GRID2: variants seen among roughly 807,000 people sequenced by gnomAD.
The protein encoded by GRID2 is glutamate ionotropic receptor delta type subunit 2, also known as glutamate receptor ionotropic, delta-2.
A neutral mutation model predicts 114.8 loss-of-function variants in GRID2; 33 were observed. The ratio of observed to expected loss-of-function variants is 0.29; its 90% CI spans 0.22 to 0.38. The LOEUF (loss-of-function observed/expected upper bound fraction) is 0.38, where lower values mean the gene tolerates loss of function less well. Ranked by LOEUF, GRID2 falls within the 10% of genes least tolerant of loss-of-function variation. The probability of loss-of-function intolerance (pLI) is 1.00; values close to 1 mark genes in which losing one functional copy is unlikely to be tolerated. For missense variants in GRID2, 1,184 were observed against 1,257.7 expected (o/e 0.94, Z 0.89); for synonymous variants, 505 against 449.9 (o/e 1.12, Z -1.55).
At chr4:93,388,050 A>T (rs6851479) in intron 8 of GRID2, among the ~76,000 whole-genome samples, 65,413 of 151,810 alleles carry the variant, frequency 0.43, 15,162 homozygotes, top group East Asian at 0.7. Flanking sequence ...ATATTATCAT[A>T]CAAAATATAT....
rs561706597 is a variant in GRID2, at chr4:93,452,324, G to T, written c.1546-3338G>T. On this transcript the variant is annotated intron_variant, in intron 10 of 15. Transcript: ENST00000282020. ...AATAATTAAGAAGTACTTTTTCCAT[G>T]AGGAATAGGGTATCCAACAATATGG... Among the ~76,000 whole-genome samples, 7 of 152,096 alleles carry T rather than the reference G, an allele frequency of 4.6e-5. No homozygotes were observed. The East Asian group carries it at 1.4e-3, about 29-fold the overall frequency.
intron 2 of GRID2, among the ~76,000 whole-genome samples, chr4:93,079,689 G>A (rs556884673): frequency 2.6e-4 from 39 of 151,982 alleles, no homozygotes; most frequent in Non-Finnish European, 5.2e-4. Flanking sequence ...GCACACGGTT[G>A]TTATGAGATA....
At chr4:92,331,847 C>T (rs1726905945) in intron 1 of GRID2, among the ~76,000 whole-genome samples, 1 of 152,158 alleles carries the variant, frequency 6.6e-6, no homozygotes, top group Admixed American at 6.5e-5. Context: ...GCAGGAACAC[C>T]TGCTGCATGA....
In GRID2 at chr4:93,345,964, A is replaced by AT. The variant is rs538162027; in HGVS notation, c.1246-49636dup. On this transcript the variant is annotated intron_variant, in intron 8 of 15. Coordinates refer to ENST00000282020, the MANE Select transcript of GRID2 (RefSeq NM_001510.4). ...AAAATCAGTGACTGTATATGCATGG[A>AT]TTTTTTTCTAGGCTATTTCTTCTGA... Among the ~76,000 whole-genome samples the AT allele has an allele frequency of 3.7e-3, 561 of 151,916 alleles. 1 individual carries two copies. Among genetic ancestry groups the AT allele is most frequent in the African/African-American group, 0.013 (535 of 41,462 alleles).
At chr4:92,438,354 A>T (rs1308160219) in intron 1 of GRID2, among the ~76,000 whole-genome samples, 3 of 152,156 alleles carry the variant, frequency 2.0e-5, no homozygotes, top group Non-Finnish European at 4.4e-5. Context: ...CTCGGAGCAC[A>T]TATACTCAGA....
intron 14 of GRID2, among the ~76,000 whole-genome samples, chr4:93,705,341 T>C (rs1727900419): frequency 1.3e-5 from 2 of 151,728 alleles, no homozygotes; most frequent in South Asian, 4.2e-4. Flanking sequence ...TTTTTTTTTC[T>C]TCTTCCTGAA....
At chr4:92,801,899 G>A (rs1341303851) in intron 2 of GRID2, among the ~76,000 whole-genome samples, 1 of 151,764 alleles carries the variant, frequency 6.6e-6, no homozygotes, top group Non-Finnish European at 1.5e-5. Flanking sequence ...CTGTCACACA[G>A]GTAGTATGTA....
intron 8 of GRID2, among the ~76,000 whole-genome samples, chr4:93,362,536 C>T (rs1172867944): frequency 6.6e-6 from 1 of 152,000 alleles, no homozygotes; most frequent in Non-Finnish European, 1.5e-5. Flanking sequence ...TGAGTTTTCA[C>T]CTGTTTCCTG....
At chr4:93,122,168 CT>C (rs1223079272) in intron 4 of GRID2, among the ~76,000 whole-genome samples, 1 of 151,934 alleles carries the variant, frequency 6.6e-6, no homozygotes, top group Non-Finnish European at 1.5e-5. Context: ...ATGCTTCTTA[CT>C]CCAAAATCAT....
chr4:93,042,860 G>A (rs910465393), intron 2 of GRID2, among the ~76,000 whole-genome samples: 2 of 150,954 alleles, frequency 1.3e-5, no homozygotes, highest in South Asian at 4.2e-4. Flanking sequence ...TAGATATTAG[G>A]CCAAGTAGCC....
intron 1 of GRID2, among the ~76,000 whole-genome samples, chr4:92,413,802 G>A (rs1435720754): frequency 6.6e-6 from 1 of 152,080 alleles, no homozygotes; most frequent in Non-Finnish European, 1.5e-5. Context: ...CTGCTGTAAT[G>A]TGAAGAAATT....
chr4:93,259,390 G>T (rs779123551), intron 8 of GRID2, among the ~76,000 whole-genome samples: 9 of 151,870 alleles, frequency 5.9e-5, no homozygotes, highest in Non-Finnish European at 1.3e-4. Context: ...AGAACCCAAA[G>T]AAATCAATAT....
At chr4:93,714,814 T>C (rs936717631) in intron 14 of GRID2, among the ~76,000 whole-genome samples, 2 of 152,212 alleles carry the variant, frequency 1.3e-5, no homozygotes, top group Non-Finnish European at 2.9e-5. Context: ...AAGTTCCTTG[T>C]AGACTCTGGA....
rs116665989 is a variant in GRID2, at chr4:92,871,473, A to C, written c.245-213522A>C. ...TATTCTATTAAATACAGTTGAGTTAATTGATTACAATTTGTTTTAAGTTAG... is the reference window on the plus strand; with the variant it reads ...TATTCTATTAAATACAGTTGAGTTACTTGATTACAATTTGTTTTAAGTTAG... On this transcript the variant is annotated intron_variant, in intron 2 of 15. Transcript: ENST00000282020. Among the ~76,000 whole-genome samples the C allele has an allele frequency of 1.4e-3, 209 of 152,236 alleles. 1 individual carries two copies. The highest frequency in any genetic ancestry group is 4.7e-3 in the African/African-American group (196 of 41,556).
chr4:93,515,469 T>G (rs1729624282), intron 13 of GRID2, 58 bp downstream of exon 13: 5 of 1,151,984 alleles, frequency 4.3e-6, no homozygotes, highest in Non-Finnish European at 6.3e-6. Context: ...ATGCTGGAAT[T>G]GCGCAGTTGA....
intron 2 of GRID2, among the ~76,000 whole-genome samples, chr4:92,706,948 A>G (rs544720965): frequency 1.3e-5 from 2 of 152,324 alleles, no homozygotes; most frequent in South Asian, 2.1e-4. Context: ...AATTCGACAT[A>G]CTATATCATT....
chr4:93,592,540 T>C (rs1360253739), intron 13 of GRID2, among the ~76,000 whole-genome samples: 1 of 152,240 alleles, frequency 6.6e-6, no homozygotes, highest in African/African-American at 2.4e-5. Context: ...TCTGTTGATT[T>C]GGGGTGGAGA....
At chr4:93,323,954 C>T (rs56657963) in intron 8 of GRID2, among the ~76,000 whole-genome samples, 41,196 of 151,942 alleles carry the variant, frequency 0.27, 6,638 homozygotes, top group African/African-American at 0.45. Context: ...TGGGCTGAGA[C>T]GATGGGGTTT....
chr4:93,238,096 A>AC (rs756481198), intron 7 of GRID2, among the ~76,000 whole-genome samples: 20 of 151,826 alleles, frequency 1.3e-4, no homozygotes, highest in Non-Finnish European at 2.1e-4. Flanking sequence ...CTGAGCTCTA[A>AC]CATGGTTTCA....
Sources: gnomAD v4.1 joint callset for allele counts (sites outside exome capture counted in the v4.1 genomes callset) on GRCh38, gnomAD v4.1.1 for gene constraint, MANE v1.5 for transcripts, NCBI Gene and HGNC (gene_info 2026-07-23, HGNC 2026-07-21) for gene names.